Variants in UGT1A7 observed in about 807,000 individuals in gnomAD.
The protein encoded by UGT1A7 is UDP-glucuronosyltransferase 1A7.
UGT1A7 carries 33 observed loss-of-function variants against 45.6 expected under a neutral mutation model. The observed-to-expected ratio is 0.72, with a 90% confidence interval of 0.55 to 0.97. UGT1A7 has a LOEUF of 0.97. UGT1A7 is among the 50% of genes least tolerant of loss of function. The pLI is 0.00. For synonymous variants in UGT1A7, 274 were observed against 250.6 expected (o/e 1.09, Z -0.88); for missense variants, 684 against 666.2 (o/e 1.03, Z -0.29).
chr2:233,768,579 CTTCT>C (rs1699650824), intron 4 of UGT1A7, 140 bp downstream of exon 4: 12 of 934,830 alleles, frequency 1.3e-5, no homozygotes, highest in African/African-American at 2.0e-5. Flanking sequence ...ATTTTTATTT[CTTCT>C]TTTTTTTTTT....
intron 1 of UGT1A7, among the ~76,000 whole-genome samples, chr2:233,705,713 G>A (rs1445913249): frequency 6.6e-6 from 1 of 152,162 alleles, no homozygotes; most frequent in African/African-American, 2.4e-5. Flanking sequence ...CCAGTATATT[G>A]TTATCTTTTA....
At chr2:233,744,357 G>A (rs1350694311) in intron 1 of UGT1A7, among the ~76,000 whole-genome samples, 2 of 151,858 alleles carry the variant, frequency 1.3e-5, no homozygotes, top group South Asian at 2.1e-4. Context: ...AAGACATCCT[G>A]TTGTTTAGGA....
At chr2:233,696,605 CCTTTCTTT>C (rs57635371) in intron 1 of UGT1A7, among the ~76,000 whole-genome samples, 1 of 151,622 alleles carries the variant, frequency 6.6e-6, no homozygotes, top group Non-Finnish European at 1.5e-5. Context: ...ACTTGGATGC[CCTTTCTTT>C]CTTTCTTTCT....
chr2:233,721,336 T>C (rs1211352998), intron 1 of UGT1A7, among the ~76,000 whole-genome samples: 1 of 152,216 alleles, frequency 6.6e-6, no homozygotes, highest in African/African-American at 2.4e-5. Context: ...TTTTTCACTA[T>C]GAATATATTC....
intron 1 of UGT1A7, among the ~76,000 whole-genome samples, chr2:233,737,437 T>C (rs980239131): frequency 1.1e-4 from 16 of 152,146 alleles, no homozygotes; most frequent in Admixed American, 3.3e-4. Flanking sequence ...GGTGGGAGTG[T>C]CCCGTTTTTC....
Position 233,761,080 on chromosome 2 carries a change from C to T in UGT1A7, c.856-5954C>T, listed in dbSNP as rs760907397. On this transcript the variant is annotated intron_variant, in intron 1 of 4. Transcript: ENST00000373426. ...TAGAAGTGACTTTGTGAAGGATTAC[C>T]CTAGGCCCATCATGCCCAATATGGT... The T allele has an allele frequency of 5.0e-6, 8 of 1,614,034 alleles. No individual in the cohort carries two copies. The highest frequency in any genetic ancestry group is 1.3e-5 in the African/African-American group (1 of 74,910).
intron 3 of UGT1A7, 80 bp from the exon 4 acceptor site, chr2:233,768,140 A>T: frequency 6.2e-7 from 1 of 1,609,884 alleles, no homozygotes; most frequent in Non-Finnish European, 8.5e-7. Flanking sequence ...GAGTCTTTGG[A>T]GTGTTTTCAG....
chr2:233,729,996 C>A (rs766095782), intron 1 of UGT1A7: 2 of 1,613,996 alleles, frequency 1.2e-6, no homozygotes, highest in Non-Finnish European at 1.7e-6. Flanking sequence ...TATCTCAGGT[C>A]TGTATTGGTG....
At chr2:233,719,033 A>C (rs754383567) in intron 1 of UGT1A7, 11 of 1,614,270 alleles carry the variant, frequency 6.8e-6, no homozygotes, top group Non-Finnish European at 9.3e-6. Flanking sequence ...ACATCAAAGA[A>C]GAGAAATTTT....
chr2:233,713,717 G>A (rs1295748799), intron 1 of UGT1A7: 1 of 1,613,946 alleles, frequency 6.2e-7, no homozygotes, highest in East Asian at 2.2e-5. Flanking sequence ...TTCAGAGAGA[G>A]GTGTCAGTGG....
chr2:233,712,131 C>T (rs1390486210), intron 1 of UGT1A7, among the ~76,000 whole-genome samples: 1 of 152,152 alleles, frequency 6.6e-6, no homozygotes, highest in Non-Finnish European at 1.5e-5. Context: ...AAGACTGGAG[C>T]CTTCAGCATT....
At chr2:233,729,448 A>C in intron 1 of UGT1A7, 2 of 1,614,064 alleles carry the variant, frequency 1.2e-6, no homozygotes, top group South Asian at 2.2e-5. Context: ...ACATTTTCTG[A>C]AGAAATTTTT....
intron 1 of UGT1A7, among the ~76,000 whole-genome samples, chr2:233,708,083 A>T (rs910036488): frequency 1.3e-5 from 2 of 152,164 alleles, no homozygotes; most frequent in African/African-American, 4.8e-5. Context: ...TTTTACTTTT[A>T]TTCAAACGAA....
intron 1 of UGT1A7, among the ~76,000 whole-genome samples, chr2:233,746,651 T>C (rs1051352282): frequency 6.6e-6 from 1 of 151,816 alleles, no homozygotes; most frequent in African/African-American, 2.4e-5. Context: ...CTTGGCTTTC[T>C]GTCCCGAGTT....
intron 1 of UGT1A7, among the ~76,000 whole-genome samples, chr2:233,701,592 A>G (rs2075637577): frequency 1.3e-5 from 2 of 152,202 alleles, no homozygotes; most frequent in South Asian, 4.1e-4. Context: ...ACATAGTTGG[A>G]AGTAAAGCAC....
intron 1 of UGT1A7, among the ~76,000 whole-genome samples, chr2:233,696,320 C>A (rs1433749193): frequency 6.6e-6 from 1 of 152,176 alleles, no homozygotes; most frequent in African/African-American, 2.4e-5. Flanking sequence ...TGGTCTTCAT[C>A]CTCATTTCCT....
chr2:233,751,722 ACTCTTC>A (rs1694794722), intron 1 of UGT1A7, among the ~76,000 whole-genome samples: 1 of 150,748 alleles, frequency 6.6e-6, no homozygotes, highest in African/African-American at 2.4e-5. Context: ...TCACAAGTGA[ACTCTTC>A]CTCTCTGTTT....
rs146704558 is a variant in UGT1A7 at position 233,766,504 on chromosome 2, T to C, written c.856-530T>C. On this transcript the variant is annotated intron_variant, in intron 1 of 4. Transcript: ENST00000373426. ...ATGGGGGCGTGGCAGGCCAGGGTGGTTTTGGGAAATGAAACATTTAGGCAG... is the reference window on the plus strand; with the variant it reads ...ATGGGGGCGTGGCAGGCCAGGGTGGCTTTGGGAAATGAAACATTTAGGCAG... Among the ~76,000 whole-genome samples the C allele has an allele frequency of 2.3e-3, 343 of 152,096 alleles. 3 individuals are homozygous for C. The highest frequency in any genetic ancestry group is 7.9e-3 in the African/African-American group (327 of 41,494).
intron 1 of UGT1A7, among the ~76,000 whole-genome samples, chr2:233,745,761 A>G (rs1420009294): frequency 2.7e-5 from 4 of 149,168 alleles, no homozygotes; most frequent in African/African-American, 1.0e-4. Flanking sequence ...GAAGGGGTGG[A>G]GAGGAGGAAT....
Sources: gnomAD v4.1 joint callset for allele counts (sites outside exome capture counted in the v4.1 genomes callset) on GRCh38, gnomAD v4.1.1 for gene constraint, MANE v1.5 for transcripts, NCBI Gene and HGNC (gene_info 2026-07-23, HGNC 2026-07-21) for gene names.